The following RFC2 variants were observed in gnomAD, a reference collection of about 807,000 sequenced individuals.
RFC2 encodes A1 40 kDa subunit.
Under a neutral mutation model 44.8 loss-of-function variants are expected in RFC2, and 34 were observed. That is an observed-to-expected ratio of 0.76 (90% CI 0.58 to 1.01). The LOEUF (loss-of-function observed/expected upper bound fraction) is 1.01, where lower values mean the gene tolerates loss of function less well. RFC2 is among the 50% of genes least tolerant of loss of function. RFC2 has a pLI of 0.00. For synonymous variants in RFC2, 177 were observed against 168.9 expected (o/e 1.05, Z -0.37); for missense variants, 400 against 453.6 (o/e 0.88, Z 1.07).
intron 4 of RFC2, among the ~76,000 whole-genome samples, chr7:74,248,194 A>C (rs548361408): frequency 8.6e-5 from 13 of 151,896 alleles, no homozygotes; most frequent in African/African-American, 2.9e-4. Flanking sequence ...CACATTTTGG[A>C]ATTTTGCATT....
intron 5 of RFC2, among the ~76,000 whole-genome samples, chr7:74,246,224 T>C (rs1554719979): frequency 6.7e-6 from 1 of 149,412 alleles, no homozygotes; most frequent in Non-Finnish European, 1.5e-5. Context: ...TAAATACAAA[T>C]ACAAATACAA....
chr7:74,246,844 A>T (rs1363394511), intron 4 of RFC2, 81 bp from the exon 5 acceptor site: 1 of 826,216 alleles, frequency 1.2e-6, no homozygotes, highest in African/African-American at 1.8e-5. Flanking sequence ...CAATCGGTAT[A>T]TCAGGGACTG....
chr7:74,241,940 A>G (rs1254566082), intron 6 of RFC2, among the ~76,000 whole-genome samples: 1 of 152,180 alleles, frequency 6.6e-6, no homozygotes, highest in African/African-American at 2.4e-5. Flanking sequence ...AGCCTGGGCG[A>G]CAGAGCGAGA....
Position 74,249,954 on chromosome 7 carries a change from C to A in RFC2, c.184-174G>T, listed in dbSNP as rs577519255. On this transcript the variant is annotated intron_variant, in intron 2 of 10. Coordinates refer to ENST00000055077, the MANE Select transcript of RFC2 (RefSeq NM_181471.3). ...CAGGACAATCACTTGAGGCCTGAGGCCAGCCTGGGCAACACAGTGAGACTC... is the reference window on the plus strand; with the variant it reads ...CAGGACAATCACTTGAGGCCTGAGGACAGCCTGGGCAACACAGTGAGACTC... 4 of 647,504 alleles carry A rather than the reference C, an allele frequency of 6.2e-6. No homozygotes were observed. In the Admixed American group the frequency reaches 8.7e-5, roughly 14 times the overall value. 40.1% of individuals were successfully genotyped at this position (647,504 alleles called of 1,614,324 possible).
At chr7:74,232,252 G>T in intron 10 of RFC2, 36 bp from the exon 11 acceptor site, 2 of 1,087,622 alleles carry the variant, frequency 1.8e-6, no homozygotes, top group Non-Finnish European at 2.8e-6. Flanking sequence ...TGGTTAATAA[G>T]TGGGGGAGTT....
intron 5 of RFC2, among the ~76,000 whole-genome samples, chr7:74,244,681 T>C (rs1554719718): frequency 6.6e-6 from 1 of 151,462 alleles, no homozygotes; most frequent in East Asian, 2.0e-4. Context: ...AAAAAAAATT[T>C]ATTTCGCCAG....
chr7:74,245,372 C>T (rs2116316775), intron 5 of RFC2, among the ~76,000 whole-genome samples: 1 of 151,734 alleles, frequency 6.6e-6, no homozygotes, highest in African/African-American at 2.4e-5. Context: ...CACAACATTG[C>T]AAATGTACTA....
intron 5 of RFC2, among the ~76,000 whole-genome samples, chr7:74,245,456 T>C (rs1469143037): frequency 6.6e-6 from 1 of 151,032 alleles, no homozygotes; most frequent in Non-Finnish European, 1.5e-5. Flanking sequence ...CTCACACCTA[T>C]AATCCCAGCA....
At chr7:74,249,400 G>A (rs1447437349) in intron 3 of RFC2, among the ~76,000 whole-genome samples, 1 of 152,126 alleles carries the variant, frequency 6.6e-6, no homozygotes, top group Admixed American at 6.6e-5. Flanking sequence ...ACTTAGCTGG[G>A]CGTGATGGCA....
Position 74,252,898 on chromosome 7 carries a change from T to C in RFC2, c.114-400A>G, listed in dbSNP as rs3135657. Among the ~76,000 whole-genome samples the C allele has an allele frequency of 2.2e-3, 340 of 152,310 alleles. 2 individuals are homozygous for C. The highest frequency in any genetic ancestry group is 6.4e-3 in the South Asian group (31 of 4,826). On this transcript the variant is annotated intron_variant, in intron 1 of 10. Coordinates refer to ENST00000055077, the MANE Select transcript of RFC2 (RefSeq NM_181471.3). ...AGTGAGCTGAGATCATGCATGCCAC[T>C]ATACTCCAGCCCGGGCTACAGAGTG...
At chr7:74,252,406 C>CAAAA in intron 2 of RFC2, 23 bp downstream of exon 2, 1 of 1,099,290 alleles carries the variant, frequency 9.1e-7, no homozygotes, top group Non-Finnish European at 1.3e-6. Flanking sequence ...GACTCTGTCT[C>CAAAA]AAAAAAAAAA....
At chr7:74,234,026 T>A in intron 10 of RFC2, 1 of 415,886 alleles carries the variant, frequency 2.4e-6, no homozygotes, top group Non-Finnish European at 4.9e-6. Context: ...CTGGCTTTAT[T>A]CACAGTCACC....
At chr7:74,235,372 G>C (rs1391231277) in intron 10 of RFC2, among the ~76,000 whole-genome samples, 160 bp downstream of exon 10, 1 of 151,754 alleles carries the variant, frequency 6.6e-6, no homozygotes, top group African/African-American at 2.4e-5. Flanking sequence ...AGTAGACAGA[G>C]GCTTTCACTA....
chr7:74,249,072 C>T lies in RFC2; in HGVS notation c.272G>A (p.Arg91Gln), dbSNP rs782041857. 7.4e-6 allele frequency: 12 copies of T among 1,613,864 alleles called. No individual in the cohort carries two copies. Among genetic ancestry groups the T allele is most frequent in the South Asian group, 5.5e-5 (5 of 91,080 alleles). The change falls in exon 4 of 11, where the codon CGG (arginine) becomes CAG (glutamine). Residue 91 changes from arginine to glutamine, a missense_variant. Arg to Gln is a conservative substitution (Grantham distance 43). Coordinates refer to ENST00000055077, the MANE Select transcript of RFC2 (RefSeq NM_181471.3). ...GKTTSILCLARALLGPALKDA... is the reference protein window; with the variant it reads ...GKTTSILCLAQALLGPALKDA... ...TTTGAGTGCTGGGCCCAGCAGGGCC[C>T]GGGCCAAGCACAGAATGCTTGTGGT...
chr7:74,249,617 C>A, intron 3 of RFC2, 122 bp downstream of exon 3: 1 of 801,902 alleles, frequency 1.2e-6, no homozygotes, highest in Non-Finnish European at 2.2e-6. Flanking sequence ...TGAAACACTT[C>A]CCTTTGCCGG....
At chr7:74,243,340 A>T in intron 5 of RFC2, 94 bp from the exon 6 acceptor site, 1 of 788,038 alleles carries the variant, frequency 1.3e-6, no homozygotes, top group Non-Finnish European at 2.2e-6. Context: ...AGACACATCC[A>T]ATGTCCTAAA....
intron 7 of RFC2, 80 bp from the exon 8 acceptor site, chr7:74,239,068 G>T: frequency 8.6e-7 from 1 of 1,165,790 alleles, no homozygotes; most frequent in Non-Finnish European, 1.3e-6. Flanking sequence ...TCGCTATGTT[G>T]CCCAGGCTGG....
chr7:74,240,255 A>T (rs1803254667), intron 6 of RFC2, among the ~76,000 whole-genome samples, 160 bp from the exon 7 acceptor site: 2 of 152,130 alleles, frequency 1.3e-5, no homozygotes, highest in South Asian at 4.1e-4. Flanking sequence ...GAATCCCAGC[A>T]CTTTGGGAGG....
chr7:74,236,321 G>A (rs1211694300), intron 9 of RFC2, among the ~76,000 whole-genome samples: 2 of 152,142 alleles, frequency 1.3e-5, no homozygotes, highest in Non-Finnish European at 2.9e-5. Flanking sequence ...GTCTACTCAG[G>A]GACCCTGGGC....
Sources: gnomAD v4.1 joint callset for allele counts (sites outside exome capture counted in the v4.1 genomes callset) on GRCh38, gnomAD v4.1.1 for gene constraint, MANE v1.5 for transcripts, NCBI Gene and HGNC (gene_info 2026-07-23, HGNC 2026-07-21) for gene names.